Variants in MACROD2 observed in about 807,000 individuals in gnomAD.
MACROD2 encodes mono-ADP ribosylhydrolase 2.
In MACROD2, 36 loss-of-function variants were observed where a neutral mutation model predicts 70.4. The ratio of observed to expected loss-of-function variants is 0.51; its 90% confidence interval spans 0.39 to 0.68. The LOEUF (loss-of-function observed/expected upper bound fraction) is 0.68. Ranked by LOEUF, MACROD2 falls within the 30% of genes least tolerant of loss-of-function variation. The pLI is 0.00. For synonymous variants in MACROD2, 172 were observed against 178.8 expected, an observed-to-expected ratio of 0.96 and a Z score of 0.30; for missense variants, 496 against 538.4, an observed-to-expected ratio of 0.92 and a Z score of 0.78.
chr20:14,745,499 T>C (rs976077618), intron 5 of MACROD2, among the ~76,000 whole-genome samples: 10 of 152,172 alleles, frequency 6.6e-5, no homozygotes, highest in African/African-American at 2.2e-4. Flanking sequence ...TGTTCAGAGA[T>C]GGATATCATA....
At chr20:14,425,943 G>A (rs143284942) in intron 3 of MACROD2, among the ~76,000 whole-genome samples, 29 of 152,200 alleles carry the variant, frequency 1.9e-4, no homozygotes, top group African/African-American at 6.0e-4. Context: ...CCTGACTACC[G>A]AATTCTAGAT....
At chr20:15,076,786 A>G (rs1357572229) in intron 5 of MACROD2, among the ~76,000 whole-genome samples, 3 of 152,132 alleles carry the variant, frequency 2.0e-5, no homozygotes, top group African/African-American at 7.2e-5. Flanking sequence ...TAATATCCAT[A>G]CAGGTTTAGG....
intron 10 of MACROD2, among the ~76,000 whole-genome samples, chr20:15,923,511 A>G (rs1040579292): frequency 6.6e-6 from 1 of 152,164 alleles, no homozygotes; most frequent in African/African-American, 2.4e-5. Context: ...CATATCACCA[A>G]TCATTCTCAA....
chr20:14,123,769 A>AG (rs2054612947), intron 3 of MACROD2, among the ~76,000 whole-genome samples: 1 of 152,182 alleles, frequency 6.6e-6, no homozygotes, highest in Non-Finnish European at 1.5e-5. Context: ...GAAGGAAGGG[A>AG]GGAATCAAGG....
At chr20:15,180,028 C>G (rs2076489423) in intron 5 of MACROD2, among the ~76,000 whole-genome samples, 1 of 152,186 alleles carries the variant, frequency 6.6e-6, no homozygotes, top group Non-Finnish European at 1.5e-5. Context: ...TATGGTCCTC[C>G]CTTTGTGCAC....
chr20:15,950,797 G>T (rs1048949205), intron 12 of MACROD2, among the ~76,000 whole-genome samples: 1 of 152,168 alleles, frequency 6.6e-6, no homozygotes, highest in African/African-American at 2.4e-5. Flanking sequence ...ATTAGGCAAA[G>T]TTAAGTGGTT....
chr20:16,035,899 C>T (rs1308605851), intron 15 of MACROD2, among the ~76,000 whole-genome samples: 1 of 151,998 alleles, frequency 6.6e-6, no homozygotes, highest in Admixed American at 6.6e-5. Context: ...CATTTCAAGT[C>T]TCTCCTTGAC....
At chr20:15,689,961 G>A (rs1467825179) in intron 8 of MACROD2, among the ~76,000 whole-genome samples, 1 of 152,154 alleles carries the variant, frequency 6.6e-6, no homozygotes, top group Non-Finnish European at 1.5e-5. Flanking sequence ...ATTCACCATT[G>A]CTGATCACAA....
At chr20:15,114,761 G>GTTCCTTTCATTTTTA (rs1454225225) in intron 5 of MACROD2, among the ~76,000 whole-genome samples, 1 of 152,124 alleles carries the variant, frequency 6.6e-6, no homozygotes, top group African/African-American at 2.4e-5. Context: ...TTCCCTGCTT[G>GTTCCTTTCATTTTTA]TTCCTTTCAT....
chr20:15,177,955 C>T lies in MACROD2; in HGVS notation c.419-51985C>T, dbSNP rs1240940772. Among the ~76,000 whole-genome samples the T allele has an allele frequency of 2.7e-3, 383 of 141,354 alleles. 1 individual carries two copies. Among genetic ancestry groups the T allele is most frequent in the African/African-American group, 8.5e-3 (325 of 38,090 alleles). 92.7% of individuals were successfully genotyped at this position (141,354 alleles called of 152,430 possible). A position where few individuals can be genotyped will look rare whatever the true frequency, so the allele number is the denominator to read the frequency against. On this transcript the variant is annotated intron_variant, in intron 5 of 17. Transcript: ENST00000684519. ...AAAAATGGCATGCTTTTTTTTTTTT[C>T]TTTCTCTGTAGTGAACCATAACTGA...
At chr20:14,827,287 G>C (rs6110440) in intron 5 of MACROD2, among the ~76,000 whole-genome samples, 2,586 of 152,172 alleles carry the variant, frequency 0.017, 81 homozygotes, top group East Asian at 0.11. Flanking sequence ...ACAGTAGTTA[G>C]TCTCCTTTCA....
At chr20:15,821,709 A>G (rs190028833) in intron 8 of MACROD2, among the ~76,000 whole-genome samples, 2 of 152,312 alleles carry the variant, frequency 1.3e-5, no homozygotes, top group East Asian at 3.9e-4. Flanking sequence ...TATAACAACT[A>G]TTTACATTGT....
rs553022253 is a variant in MACROD2 at position 15,690,615 on chromosome 20, C to G, written c.646-172130C>G. Among the ~76,000 whole-genome samples, 6 of 152,210 alleles carry G rather than the reference C, an allele frequency of 3.9e-5. No individual in the cohort carries two copies. In the South Asian group the frequency reaches 1.2e-3, roughly 32 times the overall value. Reference sequence around the variant, plus strand: ...GGCTGAATAAAAGCACATAGAGAATCCTTTCTTTTTAATAATAACTGTGAG... The same window carrying G: ...GGCTGAATAAAAGCACATAGAGAATGCTTTCTTTTTAATAATAACTGTGAG... On this transcript the variant is annotated intron_variant, in intron 8 of 17. Transcript: ENST00000684519.
At chr20:15,784,191 T>C (rs1297996683) in intron 8 of MACROD2, among the ~76,000 whole-genome samples, 2 of 152,146 alleles carry the variant, frequency 1.3e-5, no homozygotes, top group Non-Finnish European at 2.9e-5. Context: ...AGTTTTAACA[T>C]GCAGTATCTC....
chr20:14,384,007 A>G (rs2083447397), intron 3 of MACROD2, among the ~76,000 whole-genome samples: 1 of 152,164 alleles, frequency 6.6e-6, no homozygotes, highest in Admixed American at 6.5e-5. Flanking sequence ...TATATTAACC[A>G]TTCATTTCTT....
intron 8 of MACROD2, among the ~76,000 whole-genome samples, chr20:15,548,541 A>G (rs1600572572): frequency 6.6e-6 from 1 of 152,064 alleles, no homozygotes. Flanking sequence ...GATTTCAGGC[A>G]CCTGCCACCA....
At chr20:15,393,525 C>G (rs929911199) in intron 6 of MACROD2, among the ~76,000 whole-genome samples, 22 of 151,950 alleles carry the variant, frequency 1.4e-4, no homozygotes, top group African/African-American at 5.3e-4. Context: ...AATTTTGCAC[C>G]TCTATTTGCT....
chr20:14,869,626 T>A (rs2073465796), intron 5 of MACROD2, among the ~76,000 whole-genome samples: 1 of 152,126 alleles, frequency 6.6e-6, no homozygotes, highest in African/African-American at 2.4e-5. Context: ...AAATGGTAAA[T>A]AAGCATTTAA....
chr20:15,819,155 T>A (rs996500508), intron 8 of MACROD2, among the ~76,000 whole-genome samples: 57 of 149,456 alleles, frequency 3.8e-4, no homozygotes, highest in African/African-American at 1.4e-3. Flanking sequence ...ACCTGTAAAT[T>A]GATGGATGAA....
Sources: gnomAD v4.1 joint callset for allele counts (sites outside exome capture counted in the v4.1 genomes callset) on GRCh38, gnomAD v4.1.1 for gene constraint, MANE v1.5 for transcripts, NCBI Gene and HGNC (gene_info 2026-07-23, HGNC 2026-07-21) for gene names.